Variants in ZNF473 observed in about 807,000 individuals in gnomAD.
The protein encoded by ZNF473 is zinc finger protein 100 homolog.
ZNF473 carries 4 observed loss-of-function variants against 11.1 expected under a neutral mutation model. That is an observed-to-expected ratio of 0.36 (90% CI 0.18 to 0.82). The LOEUF is 0.82. ZNF473 is among the 40% of genes least tolerant of loss of function. The pLI is 0.49. For missense variants in ZNF473, 854 were observed against 1,084.0 expected, an observed-to-expected ratio of 0.79 and a Z score of 2.98; for synonymous variants, 404 against 390.4, an observed-to-expected ratio of 1.03 and a Z score of -0.41.
At position 50,045,759 on chromosome 19, in the gene ZNF473, C is replaced by G. The variant is rs201377040; in HGVS notation, c.1316C>G (p.Ala439Gly). The change falls in exon 5 of 5, where the codon GCC becomes GGC. Residue 439 changes from alanine to glycine, a missense_variant. Around this residue, in one of 2 missense-constraint regions of ZNF473, gnomAD observed 668 missense variants for 790.2 expected, o/e 0.85. Transcript: ENST00000270617. ...KPYKCSECGK[A>G]FHRHTHLNEH... ...TACAAATGCAGTGAGTGTGGGAAGG[C>G]CTTCCACCGGCACACTCACCTTAAT... 1.0e-4 allele frequency: 162 copies of G among 1,614,026 alleles called. 1 individual carries two copies. In the East Asian group the frequency reaches 2.3e-3, roughly 23 times the overall value.
Position 50,047,106 on chromosome 19 carries a change from T to A in ZNF473, c.*47T>A. 1 of 1,495,760 alleles carries A rather than the reference T, an allele frequency of 6.7e-7. No homozygotes were observed. 92.7% of individuals were successfully genotyped at this position (1,495,760 alleles called of 1,614,324 possible). ...CCAGAATATGAGACCGTTACTCGGA[T>A]GTTGAAAGTTGGAAACTATCCCATT... On this transcript the variant is annotated 3_prime_UTR_variant, in exon 5 of 5. Coordinates refer to ENST00000270617, the MANE Select transcript of ZNF473 (RefSeq NM_015428.4).
intron 4 of ZNF473, 117 bp downstream of exon 4, chr19:50,041,936 TTCAC>T: frequency 1.3e-6 from 1 of 759,178 alleles, no homozygotes; most frequent in Non-Finnish European, 2.1e-6. Context: ...GCTTCAGGAC[TTCAC>T]TCTGCTTCTC....
In ZNF473 at chr19:50,041,620, C is replaced by T. The variant is rs1486274207; in HGVS notation, c.137-110C>T. 6.6e-6 allele frequency: 6 copies of T among 904,866 alleles called. No homozygotes were observed. The East Asian group carries it at 1.4e-4, about 21-fold the overall frequency. The allele number at this position is 904,866 out of a possible 1,614,324, so 56.1% of individuals were successfully genotyped here. A position where few individuals can be genotyped will look rare whatever the true frequency, so the allele number is the denominator to read the frequency against. On this transcript the variant is annotated intron_variant, in intron 3 of 4. Transcript: ENST00000270617. Reference sequence around the variant, plus strand: ...CAGCACCTCGTCCACACACAGGAGCCACGTGCAGGATAAAGCATAGAAAAG... The same window carrying T: ...CAGCACCTCGTCCACACACAGGAGCTACGTGCAGGATAAAGCATAGAAAAG...
At chr19:50,032,701 T>C (rs1443363678) in intron 2 of ZNF473, among the ~76,000 whole-genome samples, 1 of 151,884 alleles carries the variant, frequency 6.6e-6, no homozygotes, top group African/African-American at 2.4e-5. Context: ...CAGAAATTGG[T>C]GGTCTCCCAG....
At position 50,041,789 on chromosome 19, in the gene ZNF473, G is replaced by A; in HGVS notation, c.196G>A (p.Ala66Thr). The A allele has an allele frequency of 6.2e-7, 1 of 1,612,742 alleles. No individual in the cohort carries two copies. Among genetic ancestry groups the A allele is most frequent in the East Asian group, 2.2e-5 (1 of 44,648 alleles). Reference protein sequence around the residue: ...PDGSEDLEPLAGGSPEATSPD... With the variant: ...PDGSEDLEPLTGGSPEATSPD... ...TGGCAGTGAAGATCTGGAGCCTCTG[G>A]CAGGAGGAAGCCCAGAAGCAACAAG... is the stretch of plus-strand genomic sequence containing the variant. Residue 66 changes from alanine to threonine, a missense_variant, in exon 4 of 5, where the codon GCA (alanine) becomes ACA (threonine). Transcript: ENST00000270617.
At chr19:50,041,640 GAA>G in intron 3 of ZNF473, 88 bp from the exon 4 acceptor site, 1 of 1,173,222 alleles carries the variant, frequency 8.5e-7, no homozygotes, top group Non-Finnish European at 1.2e-6. Context: ...ATAAAGCATA[GAA>G]AAGTCAGGAG....
intron 1 of ZNF473, among the ~76,000 whole-genome samples, chr19:50,027,303 C>A (rs1021690134): frequency 6.6e-6 from 1 of 152,110 alleles, no homozygotes; most frequent in African/African-American, 2.4e-5. Context: ...GTTTTGCGGT[C>A]AGTTTATAAA....
At chr19:50,027,580 A>G (rs1373012434) in intron 1 of ZNF473, among the ~76,000 whole-genome samples, 1 of 152,164 alleles carries the variant, frequency 6.6e-6, no homozygotes, top group African/African-American at 2.4e-5. Flanking sequence ...TGGTAACTGC[A>G]GACAGGGATC....
At chr19:50,036,314 C>CTGTTTTTT (rs1978433497) in intron 2 of ZNF473, among the ~76,000 whole-genome samples, 1 of 108,796 alleles carries the variant, frequency 9.2e-6, no homozygotes, top group African/African-American at 4.0e-5. Flanking sequence ...GAGGTGGGGC[C>CTGTTTTTT]TTTTTTTTTT....
intron 1 of ZNF473, among the ~76,000 whole-genome samples, chr19:50,030,620 T>C (rs59835607): frequency 0.12 from 17,556 of 152,228 alleles, 1,310 homozygotes; most frequent in East Asian, 0.29. Context: ...ACCTTCGTTC[T>C]GTCAACAACT....
At chr19:50,027,141 G>A (rs1349903036) in intron 1 of ZNF473, among the ~76,000 whole-genome samples, 3 of 152,088 alleles carry the variant, frequency 2.0e-5, no homozygotes, top group Non-Finnish European at 4.4e-5. Flanking sequence ...AAAGCTAATA[G>A]GGTGCATATT....
chr19:50,035,867 ACAGG>A (rs1332636414), intron 2 of ZNF473, among the ~76,000 whole-genome samples: 4 of 152,202 alleles, frequency 2.6e-5, no homozygotes, highest in African/African-American at 4.8e-5. Flanking sequence ...TGAGCCTCTA[ACAGG>A]TCAGCCTCCT....
intron 1 of ZNF473, among the ~76,000 whole-genome samples, chr19:50,027,300 G>T (rs141668190): frequency 1.3e-5 from 2 of 152,032 alleles, no homozygotes; most frequent in Non-Finnish European, 2.9e-5. Flanking sequence ...GAAGTTTTGC[G>T]GTCAGTTTAT....
chr19:50,027,162 G>T (rs1181147420), intron 1 of ZNF473, among the ~76,000 whole-genome samples: 1 of 152,022 alleles, frequency 6.6e-6, no homozygotes, highest in African/African-American at 2.4e-5. Context: ...TTATAATTAG[G>T]CAGCACCCCC....
chr19:50,041,717 T>C lies in ZNF473; in HGVS notation c.137-13T>C. ...TGTCCTGGTTGGGTGACAATGCTTTTCTCTCCCTGCAGACCCCCCAAGACC... is the reference window on the plus strand; with the variant it reads ...TGTCCTGGTTGGGTGACAATGCTTTCCTCTCCCTGCAGACCCCCCAAGACC... On this transcript the variant is annotated splice_polypyrimidine_tract_variant and intron_variant, in intron 3 of 4. Transcript: ENST00000270617. 6.3e-7 allele frequency: 1 copy of C among 1,593,790 alleles called. No individual in the cohort carries two copies. The highest frequency in any genetic ancestry group is 2.3e-5 in the East Asian group (1 of 44,152).
chr19:50,046,619 G>C lies in ZNF473; in HGVS notation c.2176G>C (p.Gly726Arg). Residue 726 changes from glycine (G) to arginine (R), a missense_variant, in exon 5 of 5, where the codon GGT (glycine) becomes CGT (arginine). Gly to Arg is a moderately radical substitution (Grantham distance 125). Transcript: ENST00000270617. This position sits in a 1 kb window ranked among gnomAD's most constrained non-coding sequence, Gnocchi z 5.9. Reference protein sequence around the residue: ...CLSKHQRIHSGEKPYVCDYCG... With the variant: ...CLSKHQRIHSREKPYVCDYCG... ...TTCTAAGCATCAGAGAATTCACTCAGGTGAGAAGCCCTATGTATGTGATTA... is the reference window on the plus strand; with the variant it reads ...TTCTAAGCATCAGAGAATTCACTCACGTGAGAAGCCCTATGTATGTGATTA... 6.2e-7 allele frequency: 1 copy of C among 1,614,232 alleles called. No homozygotes were observed. The highest frequency in any genetic ancestry group is 8.5e-7 in the Non-Finnish European group (1 of 1,180,052).
rs947199811 is a variant in ZNF473 at position 50,048,042 on chromosome 19, C to T, written c.*983C>T. 9.2e-5 allele frequency: 14 copies of T among 152,172 alleles called. No individual in the cohort carries two copies. Among genetic ancestry groups the T allele is most frequent in the African/African-American group, 2.9e-4 (12 of 41,436 alleles). The allele number at this position is 152,172 out of a possible 1,614,324, so 9.4% of individuals were successfully genotyped here. A position where few individuals can be genotyped will look rare whatever the true frequency, so the allele number is the denominator to read the frequency against. On this transcript the variant is annotated 3_prime_UTR_variant, in exon 5 of 5. Coordinates refer to ENST00000270617, the MANE Select transcript of ZNF473 (RefSeq NM_015428.4). ...CGCTCACCAGGCAATTTGCTAGGCT[C>T]GGGGGCGGGTAGTATCCATACACTA...
At chr19:50,028,276 C>T (rs996434931) in intron 1 of ZNF473, among the ~76,000 whole-genome samples, 4 of 143,448 alleles carry the variant, frequency 2.8e-5, no homozygotes, top group African/African-American at 7.9e-5. Context: ...CCAGCCTGGG[C>T]GACAGAACGA....
In ZNF473 at chr19:50,041,750, ACCT is replaced by A. The variant is rs764360502; in HGVS notation, c.160_162del (p.Ser54del). The A allele has an allele frequency of 6.2e-7, 1 of 1,612,122 alleles. No individual in the cohort carries two copies. Among genetic ancestry groups the A allele is most frequent in the Non-Finnish European group, 8.5e-7 (1 of 1,179,184 alleles). On this transcript the variant is annotated inframe_deletion, in exon 4 of 5. Transcript: ENST00000270617. Reference sequence around the variant, plus strand: ...TGCAGACCCCCCAAGACCCAACCTGACCTCCCACCCAGATGGCAGTGAAGATCT... The same window carrying A: ...TGCAGACCCCCCAAGACCCAACCTGACCCACCCAGATGGCAGTGAAGATCT...
Sources: gnomAD v4.1 joint callset for allele counts (sites outside exome capture counted in the v4.1 genomes callset) on GRCh38, gnomAD v4.1.1 for gene constraint, gnomAD v4.1.1 regional missense constraint, Gnocchi (gnomAD v3.1) non-coding constraint, MANE v1.5 for transcripts, NCBI Gene and HGNC (gene_info 2026-07-23, HGNC 2026-07-21) for gene names.